B3GALT1: variants seen among roughly 807,000 people sequenced by gnomAD.
The protein encoded by B3GALT1 is UDP-Gal:betaGlcNAc beta 1,3-galactosyltransferase, polypeptide 1.
Under a neutral mutation model 23.2 loss-of-function variants are expected in B3GALT1, and 10 were observed. The ratio of observed to expected loss-of-function variants is 0.43; its 90% CI spans 0.27 to 0.73. The LOEUF (loss-of-function observed/expected upper bound fraction) is 0.73. Ranked by LOEUF, B3GALT1 falls within the 30% of genes least tolerant of loss-of-function variation. The probability of loss-of-function intolerance (pLI) is 0.21; values close to 1 mark genes in which losing one functional copy is unlikely to be tolerated. For missense variants in B3GALT1, 299 were observed against 405.4 expected, an observed-to-expected ratio of 0.74 and a Z score of 2.25; for synonymous variants, 156 against 141.5, an observed-to-expected ratio of 1.10 and a Z score of -0.73.
At chr2:167,792,282 T>C (rs1261570420) in intron 3 of B3GALT1, among the ~76,000 whole-genome samples, 2 of 152,222 alleles carry the variant, frequency 1.3e-5, no homozygotes, top group Non-Finnish European at 2.9e-5. Flanking sequence ...AATGTACTTG[T>C]TAAGCACCTA....
chr2:167,458,545 C>T (rs999962483), intron 1 of B3GALT1, among the ~76,000 whole-genome samples: 1 of 152,216 alleles, frequency 6.6e-6, no homozygotes, highest in Non-Finnish European at 1.5e-5. Context: ...CTGTCTTCCA[C>T]ACCAGCTGTA....
intron 3 of B3GALT1, among the ~76,000 whole-genome samples, chr2:167,689,673 C>T (rs989112341): frequency 6.6e-6 from 1 of 151,980 alleles, no homozygotes; most frequent in Admixed American, 6.6e-5. Flanking sequence ...TGGCTGCTGT[C>T]GGGAAACCAG....
chr2:167,602,627 C>T (rs1684896137), intron 2 of B3GALT1, among the ~76,000 whole-genome samples: 1 of 152,060 alleles, frequency 6.6e-6, no homozygotes. Flanking sequence ...AAGCTACTAG[C>T]CACATTTTTT....
intron 3 of B3GALT1, among the ~76,000 whole-genome samples, chr2:167,792,664 T>A (rs1257207445): frequency 2.6e-5 from 4 of 152,122 alleles, no homozygotes; most frequent in African/African-American, 9.7e-5. Flanking sequence ...TGTTGACCAT[T>A]TCTAACAGTA....
intron 1 of B3GALT1, among the ~76,000 whole-genome samples, chr2:167,403,381 C>T (rs141169685): frequency 6.6e-6 from 1 of 151,900 alleles, no homozygotes; most frequent in Non-Finnish European, 1.5e-5. Context: ...CTTAGTATCC[C>T]ATGGTGTGTA....
At chr2:167,406,027 A>T (rs998868109) in intron 1 of B3GALT1, among the ~76,000 whole-genome samples, 9 of 150,386 alleles carry the variant, frequency 6.0e-5, no homozygotes, top group African/African-American at 9.8e-5. Flanking sequence ...ATTTGGGGAA[A>T]TTTTTTTTTT....
chr2:167,803,932 C>T (rs78269583), intron 3 of B3GALT1, among the ~76,000 whole-genome samples: 2,892 of 152,126 alleles, frequency 0.019, 92 homozygotes, highest in African/African-American at 0.062. Flanking sequence ...GTATTTATGA[C>T]GACTTTTTTC....
chr2:167,461,085 G>A (rs1699252699), intron 1 of B3GALT1, among the ~76,000 whole-genome samples: 1 of 152,118 alleles, frequency 6.6e-6, no homozygotes. Flanking sequence ...TACAGCAATG[G>A]CCACTCATTT....
chr2:167,831,903 A>G (rs779314088), intron 4 of B3GALT1, among the ~76,000 whole-genome samples: 3 of 152,242 alleles, frequency 2.0e-5, no homozygotes, highest in Non-Finnish European at 2.9e-5. Flanking sequence ...CTAGATTTAC[A>G]GTGGTAAAAC....
chr2:167,702,532 G>A (rs1650910081), intron 3 of B3GALT1, among the ~76,000 whole-genome samples: 1 of 152,116 alleles, frequency 6.6e-6, no homozygotes, highest in African/African-American at 2.4e-5. Context: ...GGAATTAAAT[G>A]TTCCAGATAT....
chr2:167,305,914 G>A (rs1027677646), intron 1 of B3GALT1, among the ~76,000 whole-genome samples: 12 of 152,208 alleles, frequency 7.9e-5, no homozygotes, highest in South Asian at 6.2e-4. Context: ...AAATAACAGT[G>A]TTAAAAATAA....
intron 1 of B3GALT1, among the ~76,000 whole-genome samples, chr2:167,381,543 C>G (rs1198574582): frequency 1.3e-5 from 2 of 152,158 alleles, no homozygotes; most frequent in Non-Finnish European, 2.9e-5. Context: ...GAGACAGCAG[C>G]ATTCTTCGCA....
intron 1 of B3GALT1, among the ~76,000 whole-genome samples, chr2:167,423,674 G>A (rs1015659852): frequency 6.6e-6 from 1 of 152,104 alleles, no homozygotes; most frequent in East Asian, 1.9e-4. Flanking sequence ...GTTGTAAGTA[G>A]CCTGGCAACC....
intron 3 of B3GALT1, among the ~76,000 whole-genome samples, chr2:167,810,716 AAAC>A (rs1179469471): frequency 1.4e-5 from 2 of 145,000 alleles, no homozygotes; most frequent in African/African-American, 2.9e-5. Flanking sequence ...GACACAAAGA[AAAC>A]AACACACAGA....
At chr2:167,457,377 C>T (rs370762672) in intron 1 of B3GALT1, among the ~76,000 whole-genome samples, 62 of 151,762 alleles carry the variant, frequency 4.1e-4, no homozygotes, top group African/African-American at 1.2e-3. Flanking sequence ...TTCACCATGT[C>T]GGGCAGGCTG....
intron 2 of B3GALT1, among the ~76,000 whole-genome samples, chr2:167,549,966 A>G (rs1022651273): frequency 1.3e-5 from 2 of 152,208 alleles, no homozygotes; most frequent in African/African-American, 2.4e-5. Flanking sequence ...GATATTCTCC[A>G]TAATATTTTT....
chr2:167,539,635 G>A (rs992162640), intron 2 of B3GALT1, among the ~76,000 whole-genome samples: 6 of 152,072 alleles, frequency 3.9e-5, no homozygotes, highest in African/African-American at 1.4e-4. Flanking sequence ...TTGAATTATA[G>A]TAAAATCACT....
intron 2 of B3GALT1, among the ~76,000 whole-genome samples, chr2:167,534,928 G>T (rs988281898): frequency 3.9e-5 from 6 of 152,146 alleles, no homozygotes; most frequent in Non-Finnish European, 8.8e-5. Context: ...TGGTCCTGAG[G>T]TTAAGATTTT....
At chr2:167,394,409 C>A (rs944434700) in intron 1 of B3GALT1, among the ~76,000 whole-genome samples, 5 of 152,124 alleles carry the variant, frequency 3.3e-5, no homozygotes, top group Non-Finnish European at 7.4e-5. Context: ...TTCCACTACA[C>A]AATGTACTGT....
Sources: gnomAD v4.1 joint callset for allele counts (sites outside exome capture counted in the v4.1 genomes callset) on GRCh38, gnomAD v4.1.1 for gene constraint, MANE v1.5 for transcripts, NCBI Gene and HGNC (gene_info 2026-07-23, HGNC 2026-07-21) for gene names.